The following RFPL1 variants were observed in gnomAD, a reference collection of about 807,000 sequenced individuals.
The protein encoded by RFPL1 is ret finger protein-like 1.
In RFPL1, 6 loss-of-function variants were observed where a neutral mutation model predicts 9.6. That is an observed-to-expected ratio of 0.62 (90% confidence interval 0.34 to 1.23). The LOEUF (loss-of-function observed/expected upper bound fraction) is 1.23. Among genes scored for constraint, RFPL1 ranks in the 50% most tolerant of loss-of-function variants. The probability of loss-of-function intolerance (pLI) is 0.03; values close to 1 mark genes in which losing one functional copy is unlikely to be tolerated. For missense variants in RFPL1, 352 were observed against 398.4 expected, an observed-to-expected ratio of 0.88 and a Z score of 0.99; for synonymous variants, 145 against 149.4, an observed-to-expected ratio of 0.97 and a Z score of 0.22.
the RFPL1 span, among the ~76,000 whole-genome samples, chr22:29,395,142 A>C: frequency 3.0e-4 from 46 of 152,000 alleles, no homozygotes; most frequent in Admixed American, 1.1e-3. Flanking sequence ...CTCTGCGCCC[A>C]CTAGAGTGCG....
chr22:29,420,375 G>T, the RFPL1 span, among the ~76,000 whole-genome samples: 31 of 152,312 alleles, frequency 2.0e-4, no homozygotes, highest in Middle Eastern at 3.4e-3. Context: ...CTGTCACCCA[G>T]GCTGGAGTGC....
the RFPL1 span, among the ~76,000 whole-genome samples, chr22:29,432,280 G>C: frequency 1.1e-4 from 17 of 152,288 alleles, no homozygotes; most frequent in Admixed American, 3.9e-4. Flanking sequence ...CAGTTCCCAG[G>C]AATTTGCTCA....
chr22:29,396,204 ATGT>A, the RFPL1 span, among the ~76,000 whole-genome samples: 1 of 152,176 alleles, frequency 6.6e-6, no homozygotes, highest in East Asian at 1.9e-4. Flanking sequence ...CAGGAAGCAC[ATGT>A]TGGCAGTCCC....
chr22:29,436,599 C>CAAAAAAAAAAA (rs200602345), upstream of RFPL1: 1 of 92,520 alleles, frequency 1.1e-5, no homozygotes. Context: ...GAATCTGTCT[C>CAAAAAAAAAAA]AAAAAAAAAA....
chr22:29,418,982 G>A, the RFPL1 span, among the ~76,000 whole-genome samples: 89 of 152,252 alleles, frequency 5.8e-4, no homozygotes, highest in African/African-American at 1.9e-3. Flanking sequence ...GTCTGGGCTC[G>A]TGATTCCTGT....
At chr22:29,388,511 C>G in the RFPL1 span, 1 of 152,258 alleles carries the variant, frequency 6.6e-6, no homozygotes, top group Admixed American at 6.5e-5. Context: ...TCTCCCGGTG[C>G]GTCCGGGCTG....
the RFPL1 span, among the ~76,000 whole-genome samples, chr22:29,425,533 C>T: frequency 3.9e-5 from 6 of 152,056 alleles, no homozygotes; most frequent in African/African-American, 1.4e-4. Context: ...ACACAGCCAC[C>T]GGTCAGAATT....
intron 1 of RFPL1, 174 bp downstream of exon 1, chr22:29,439,338 C>A: frequency 9.4e-7 from 1 of 1,062,886 alleles, no homozygotes; most frequent in East Asian, 2.5e-5. Flanking sequence ...CTGGTGATCT[C>A]CAAAAAAAAG....
At chr22:29,421,538 A>G in the RFPL1 span, among the ~76,000 whole-genome samples, 1 of 149,298 alleles carries the variant, frequency 6.7e-6, no homozygotes, top group African/African-American at 2.4e-5. Flanking sequence ...GTACCTCTCC[A>G]ATTGCTTTCT....
At chr22:29,420,088 C>G in the RFPL1 span, among the ~76,000 whole-genome samples, 1 of 152,344 alleles carries the variant, frequency 6.6e-6, no homozygotes, top group Non-Finnish European at 1.5e-5. Context: ...GAGGCCTTTC[C>G]TGTTTTCCTC....
At chr22:29,436,097 T>C (rs572497871), upstream of RFPL1, among the ~76,000 whole-genome samples, 1,121 of 150,808 alleles carry the variant, frequency 7.4e-3, 17 homozygotes, top group African/African-American at 0.026. Context: ...TACAGAATTA[T>C]ACCTAGATGG....
rs1382743391 is a variant in RFPL1, at chr22:29,438,708, C to T, written c.-84C>T. The T allele has an allele frequency of 6.5e-6, 10 of 1,550,156 alleles. No individual in the cohort carries two copies. The highest frequency in any genetic ancestry group is 4.5e-5 in the East Asian group (2 of 44,380). ...CAATAGAACTTCAAATCTCTGAAGA[C>T]GGGGGGTGGGGGGATGTGCTTGAGT... On this transcript the variant is annotated 5_prime_UTR_variant, in exon 1 of 2. In the 5' UTR this introduces an upstream ATG that the reference lacks. Coordinates refer to ENST00000354373, the Ensembl canonical transcript of RFPL1.
the RFPL1 span, among the ~76,000 whole-genome samples, chr22:29,416,364 AGG>A: frequency 3.5e-5 from 5 of 141,392 alleles, no homozygotes; most frequent in Non-Finnish European, 7.8e-5. Context: ...GGGGCTGGGG[AGG>A]GGGGCATAGG....
chr22:29,412,446 G>A, the RFPL1 span, among the ~76,000 whole-genome samples: 2 of 152,112 alleles, frequency 1.3e-5, no homozygotes, highest in Non-Finnish European at 2.9e-5. Context: ...GGCAGGGTGA[G>A]CTCAGCAAAG....
chr22:29,437,787 A>T, upstream of RFPL1: 6 of 1,506,224 alleles, frequency 4.0e-6, no homozygotes, highest in Non-Finnish European at 5.4e-6. Context: ...AATGGGGGTT[A>T]TGCCTTGGGG....
chr22:29,397,966 G>T, the RFPL1 span, among the ~76,000 whole-genome samples: 35 of 152,290 alleles, frequency 2.3e-4, no homozygotes, highest in Non-Finnish European at 2.8e-4. Context: ...ATCCATGGAA[G>T]GGGGGGTTGG....
At chr22:29,416,721 C>T in the RFPL1 span, among the ~76,000 whole-genome samples, 1 of 152,196 alleles carries the variant, frequency 6.6e-6, no homozygotes, top group South Asian at 2.1e-4. Context: ...CACCATACAC[C>T]AAGCTTGGTG....
chr22:29,431,691 T>TC, the RFPL1 span, among the ~76,000 whole-genome samples: 3 of 97,816 alleles, frequency 3.1e-5, no homozygotes, highest in South Asian at 3.8e-4. Flanking sequence ...TTAAAAGTTC[T>TC]TTTTTTTTTT....
the RFPL1 span, among the ~76,000 whole-genome samples, chr22:29,406,147 T>TAAAAAAAAAAAAAAAAAAAAAAAAAAAAA: frequency 4.2e-5 from 2 of 47,062 alleles, 1 homozygote; most frequent in African/African-American, 1.7e-4. Context: ...AAAAAAAAAA[T>TAAAAAAAAAAAAAAAAAAAAAAAAAAAAA]AAAAAAAAAG....
Sources: allele counts gnomAD v4.1 joint callset (sites outside exome capture counted in the v4.1 genomes callset), GRCh38; gene constraint gnomAD v4.1.1; transcripts MANE v1.5; gene names NCBI Gene and HGNC (gene_info 2026-07-23, HGNC 2026-07-21).